The following MAP4K5 variants were observed in gnomAD, a reference collection of about 807,000 sequenced individuals.
MAP4K5 encodes mitogen-activated protein kinase kinase kinase kinase 5, also known as MAPK/ERK kinase kinase kinase 5.
In MAP4K5, 82 loss-of-function variants were observed where a neutral mutation model predicts 135.6. That is an observed-to-expected ratio of 0.60 (90% CI 0.51 to 0.73). MAP4K5 has a LOEUF of 0.73. MAP4K5 is among the 30% of genes least tolerant of loss of function. MAP4K5 has a pLI of 0.00. For synonymous variants in MAP4K5, 347 were observed against 335.0 expected (o/e 1.04, Z -0.39); for missense variants, 907 against 1,010.9 (o/e 0.90, Z 1.39).
chr14:50,553,270 CAA>C (rs35423067), intron 1 of MAP4K5, among the ~76,000 whole-genome samples: 10 of 103,126 alleles, frequency 9.7e-5, no homozygotes, highest in Middle Eastern at 4.8e-3. Context: ...GACTCCGTTT[CAA>C]AAAAAAAAAA....
intron 1 of MAP4K5, among the ~76,000 whole-genome samples, chr14:50,556,604 A>T (rs987164843): frequency 5.9e-5 from 9 of 151,786 alleles, no homozygotes; most frequent in Non-Finnish European, 7.4e-5. Context: ...CCCAAAAGAA[A>T]CCTCATACTC....
intron 3 of MAP4K5, among the ~76,000 whole-genome samples, chr14:50,491,969 G>A (rs886916029): frequency 6.6e-6 from 1 of 152,048 alleles, no homozygotes; most frequent in Non-Finnish European, 1.5e-5. Flanking sequence ...TTACAGGTGT[G>A]AGCCACCACA....
chr14:50,449,905 T>C (rs772035970), intron 14 of MAP4K5: 11 of 151,974 alleles, frequency 7.2e-5, no homozygotes, highest in Non-Finnish European at 1.5e-4. Context: ...GCATTTCACA[T>C]TACATAAAAT....
At chr14:50,469,676 T>C (rs2036913370) in intron 9 of MAP4K5, among the ~76,000 whole-genome samples, 1 of 152,090 alleles carries the variant, frequency 6.6e-6, no homozygotes, top group South Asian at 2.1e-4. Flanking sequence ...GAAATGCTTG[T>C]GGATATTGAA....
At chr14:50,457,285 G>T (rs1354780013) in intron 13 of MAP4K5, among the ~76,000 whole-genome samples, 1 of 152,194 alleles carries the variant, frequency 6.6e-6, no homozygotes, top group Admixed American at 6.5e-5. Context: ...CAGCAAGGAA[G>T]TGGCATTGCC....
intron 3 of MAP4K5, among the ~76,000 whole-genome samples, chr14:50,499,038 A>T (rs1415115831): frequency 6.6e-6 from 1 of 152,192 alleles, no homozygotes; most frequent in East Asian, 1.9e-4. Context: ...AGATACCCTT[A>T]AGTCTGTTCC....
At chr14:50,507,831 TG>T (rs2037844701) in intron 2 of MAP4K5, among the ~76,000 whole-genome samples, 1 of 152,194 alleles carries the variant, frequency 6.6e-6, no homozygotes, top group African/African-American at 2.4e-5. Context: ...TCTGTTGATT[TG>T]GGGTGGAGAG....
chr14:50,470,678 ACACACACACAC>A (rs1725813016), intron 9 of MAP4K5, among the ~76,000 whole-genome samples: 1 of 151,774 alleles, frequency 6.6e-6, no homozygotes, highest in South Asian at 2.1e-4. Flanking sequence ...ACACACACAC[ACACACACACAC>A]CTTTTATAAA....
intron 1 of MAP4K5, among the ~76,000 whole-genome samples, chr14:50,551,023 C>G (rs968912641): frequency 6.6e-6 from 1 of 151,660 alleles, no homozygotes; most frequent in Admixed American, 6.6e-5. Flanking sequence ...AAAAAATTAA[C>G]AAAGATCACA....
intron 28 of MAP4K5, among the ~76,000 whole-genome samples, chr14:50,434,138 T>A (rs909075776): frequency 5.9e-5 from 9 of 152,174 alleles, no homozygotes; most frequent in African/African-American, 2.2e-4. Flanking sequence ...AGTCCAAAGA[T>A]TCACTGGTAA....
At position 50,560,315 on chromosome 14, in the gene MAP4K5, G is replaced by A. The variant is rs368925590; in HGVS notation, c.-180+725C>T. ...AACAGTTGGGGTGAGTAGCAAATGA[G>A]AACTTCTGCAGCCTGCACGGGGTCT... On this transcript the variant is annotated intron_variant, in intron 1 of 8. Coordinates refer to the MAP4K5 transcript ENST00000555216. The A allele has an allele frequency of 1.5e-5, 25 of 1,613,646 alleles. No homozygotes were observed. Among genetic ancestry groups the A allele is most frequent in the Non-Finnish European group, 1.9e-5 (22 of 1,179,750 alleles).
chr14:50,487,239 C>A (rs1254130555), intron 3 of MAP4K5, among the ~76,000 whole-genome samples: 2 of 152,110 alleles, frequency 1.3e-5, no homozygotes, highest in Non-Finnish European at 2.9e-5. Context: ...ACCTGGGAGG[C>A]GGAGGTCGCA....
rs747411640 is a variant in MAP4K5, at chr14:50,532,026, G to C, written c.24C>G (p.Ala8=). The C allele has an allele frequency of 1.3e-6, 2 of 1,583,716 alleles. No individual in the cohort carries two copies. The highest frequency in any genetic ancestry group is 1.7e-6 in the Non-Finnish European group (2 of 1,164,028). MEAPLRP[A]ADILRRNPQQ... is the part of the protein sequence containing the mutation. ...GCGGGTTCCGCCTCAGGATGTCCGC[G>C]GCAGGCCGCAGCGGGGCCTCCATCT... Residue 8 remains alanine (A), a synonymous_variant, in exon 2 of 33, where the codon GCC becomes GCG. Coordinates refer to ENST00000682126, the MANE Select transcript of MAP4K5 (RefSeq NM_006575.6).
At chr14:50,442,273 T>C (rs2036246935) in intron 21 of MAP4K5, among the ~76,000 whole-genome samples, 1 of 152,110 alleles carries the variant, frequency 6.6e-6, no homozygotes, top group Non-Finnish European at 1.5e-5. Context: ...TCCTTCTCTC[T>C]TCCTTATGTA....
chr14:50,428,781 T>C, intron 29 of MAP4K5, 27 bp from the exon 30 acceptor site: 1 of 1,070,626 alleles, frequency 9.3e-7, no homozygotes, highest in Non-Finnish European at 1.3e-6. Flanking sequence ...AAGTCAAGAC[T>C]GGACATGCAA....
intron 26 of MAP4K5, 103 bp downstream of exon 26, chr14:50,437,373 A>T: frequency 1.1e-6 from 1 of 889,218 alleles, no homozygotes; most frequent in South Asian, 1.6e-5. Context: ...CACAAATTTT[A>T]AAAACCTACC....
At chr14:50,494,869 T>C (rs2037561138) in intron 3 of MAP4K5, among the ~76,000 whole-genome samples, 1 of 152,142 alleles carries the variant, frequency 6.6e-6, no homozygotes, top group African/African-American at 2.4e-5. Context: ...TTGGGGAAAC[T>C]GGATATTCAC....
At position 50,424,416 on chromosome 14, in the gene MAP4K5, C is replaced by T. The variant is rs1022392217; in HGVS notation, c.2398-1240G>A. Among the ~76,000 whole-genome samples the T allele has an allele frequency of 5.9e-5, 9 of 151,906 alleles. No homozygotes were observed. The South Asian group carries it at 8.3e-4, about 14-fold the overall frequency. On this transcript the variant is annotated intron_variant, in intron 31 of 32. Transcript: ENST00000682126. The stretch of plus-strand genomic sequence containing the variant: ...TAAACTGAAAAAAAGGTAATCAAGA[C>T]GAATTAAAAATAGGCCGGGTGTGGG...
intron 2 of MAP4K5, among the ~76,000 whole-genome samples, chr14:50,512,214 A>T (rs1477120790): frequency 2.0e-5 from 3 of 152,168 alleles, no homozygotes; most frequent in African/African-American, 7.2e-5. Flanking sequence ...GCACTAAAAA[A>T]TTGTCTATTA....
Sources: allele counts gnomAD v4.1 joint callset (sites outside exome capture counted in the v4.1 genomes callset), GRCh38; gene constraint gnomAD v4.1.1; transcripts MANE v1.5; gene names NCBI Gene and HGNC (gene_info 2026-07-23, HGNC 2026-07-21).